The following NRG1 variants were observed in gnomAD, a reference collection of about 807,000 sequenced individuals.
NRG1 encodes the protein pro-neuregulin-1, membrane-bound isoform.
Under a neutral mutation model 63.8 loss-of-function variants are expected in NRG1, and 18 were observed. The observed-to-expected ratio is 0.28, with a 90% CI of 0.19 to 0.42. The LOEUF is 0.42. NRG1 is among the 10% of genes least tolerant of loss of function. The probability of loss-of-function intolerance (pLI) is 1.00; values close to 1 mark genes in which losing one functional copy is unlikely to be tolerated. For synonymous variants in NRG1, 302 were observed against 301.3 expected (o/e 1.00, Z -0.02); for missense variants, 762 against 814.7 (o/e 0.94, Z 0.79).
intron 1 of NRG1, among the ~76,000 whole-genome samples, chr8:32,064,608 T>C (rs1194146874): frequency 6.6e-6 from 1 of 152,158 alleles, no homozygotes; most frequent in Non-Finnish European, 1.5e-5. Context: ...AAGAAAAGTC[T>C]TTTTCATTGA....
intron 3 of NRG1, among the ~76,000 whole-genome samples, chr8:32,608,092 G>GTTTTGTTTTTT (rs1845594606): frequency 9.4e-6 from 1 of 106,158 alleles, no homozygotes; most frequent in African/African-American, 3.4e-5. Flanking sequence ...GGTTTTTTTT[G>GTTTTGTTTTTT]TTTTTTTTTT....
At chr8:31,848,944 C>T (rs1246254497) in intron 1 of NRG1, among the ~76,000 whole-genome samples, 1 of 152,312 alleles carries the variant, frequency 6.6e-6, no homozygotes, top group East Asian at 1.9e-4. Flanking sequence ...CCATCCCCCA[C>T]TGCCACCCTG....
intron 5 of NRG1, chr8:32,646,850 C>A: frequency 1.0e-6 from 1 of 983,926 alleles, no homozygotes; most frequent in Non-Finnish European, 1.2e-6. Flanking sequence ...TTACTCAGAC[C>A]AGCCTGCAGC....
At chr8:32,729,959 G>C (rs972693225) in intron 6 of NRG1, among the ~76,000 whole-genome samples, 5 of 152,052 alleles carry the variant, frequency 3.3e-5, no homozygotes, top group Non-Finnish European at 5.9e-5. Flanking sequence ...ACAAGTGTTG[G>C]TGGTTGTATA....
intron 3 of NRG1, among the ~76,000 whole-genome samples, chr8:32,607,262 A>G (rs1845429577): frequency 6.6e-6 from 1 of 152,190 alleles, no homozygotes; most frequent in South Asian, 2.1e-4. Context: ...AACACACATT[A>G]AAAAATTAAT....
At chr8:32,116,743 A>G (rs746616403) in intron 1 of NRG1, among the ~76,000 whole-genome samples, 4 of 152,096 alleles carry the variant, frequency 2.6e-5, no homozygotes, top group Non-Finnish European at 5.9e-5. Context: ...ATAGGAGAGA[A>G]AGAAAGTGAA....
At chr8:32,695,092 A>T (rs188756975) in intron 5 of NRG1, among the ~76,000 whole-genome samples, 1 of 152,332 alleles carries the variant, frequency 6.6e-6, no homozygotes, top group East Asian at 1.9e-4. Flanking sequence ...ATGGTGGCTC[A>T]TGCCTGTAAT....
intron 1 of NRG1, among the ~76,000 whole-genome samples, chr8:32,469,796 T>A (rs557163745): frequency 1.3e-5 from 2 of 152,234 alleles, no homozygotes; most frequent in African/African-American, 4.8e-5. Context: ...GCAAATTAAT[T>A]AAGGAATAAG....
chr8:31,900,405 A>G (rs1441561777), intron 1 of NRG1, among the ~76,000 whole-genome samples: 1 of 152,216 alleles, frequency 6.6e-6, no homozygotes, highest in Non-Finnish European at 1.5e-5. Flanking sequence ...ACTTTATTAT[A>G]AGATAAGGAT....
chr8:32,347,556 C>T (rs893405519), intron 1 of NRG1, among the ~76,000 whole-genome samples: 2 of 152,180 alleles, frequency 1.3e-5, no homozygotes, highest in Non-Finnish European at 2.9e-5. Context: ...AAAGTATAAT[C>T]AGTTCACATG....
intron 1 of NRG1, among the ~76,000 whole-genome samples, chr8:31,666,653 A>G (rs573995478): frequency 6.6e-6 from 1 of 152,216 alleles, no homozygotes; most frequent in African/African-American, 2.4e-5. Flanking sequence ...TTTGGGAACT[A>G]CTAGAAGATT....
chr8:32,680,504 C>A (rs190156723), intron 5 of NRG1, among the ~76,000 whole-genome samples: 7 of 152,080 alleles, frequency 4.6e-5, no homozygotes, highest in Non-Finnish European at 7.4e-5. Context: ...CGTGTGAGAA[C>A]CTGATTTCTG....
intron 1 of NRG1, among the ~76,000 whole-genome samples, chr8:32,563,011 G>T (rs904928379): frequency 6.6e-6 from 1 of 152,096 alleles, no homozygotes; most frequent in Non-Finnish European, 1.5e-5. Context: ...GTATGTTTTC[G>T]CTTAGAACAA....
intron 1 of NRG1, among the ~76,000 whole-genome samples, chr8:31,761,738 G>T (rs149323046): frequency 2.7e-4 from 41 of 152,192 alleles, no homozygotes; most frequent in African/African-American, 9.4e-4. Context: ...ATTGATCGCA[G>T]ATTACCATAA....
chr8:32,383,775 C>T (rs962566489), intron 1 of NRG1, among the ~76,000 whole-genome samples: 9 of 152,216 alleles, frequency 5.9e-5, no homozygotes, highest in African/African-American at 1.9e-4. Flanking sequence ...ACTTTAAGGA[C>T]AGTGCAGACT....
chr8:31,722,783 AAC>A (rs1273239166), intron 1 of NRG1, among the ~76,000 whole-genome samples: 1 of 152,194 alleles, frequency 6.6e-6, no homozygotes, highest in African/African-American at 2.4e-5. Flanking sequence ...ACCAAGGAGC[AAC>A]AGTCTCAAAT....
chr8:32,103,880 T>C (rs1830897658), intron 1 of NRG1, among the ~76,000 whole-genome samples: 1 of 152,134 alleles, frequency 6.6e-6, no homozygotes, highest in African/African-American at 2.4e-5. Flanking sequence ...CTGACTTGTC[T>C]CAGACATGCC....
chr8:32,310,694 A>T (rs560669667), intron 1 of NRG1, among the ~76,000 whole-genome samples: 2 of 152,304 alleles, frequency 1.3e-5, no homozygotes, highest in East Asian at 3.9e-4. Flanking sequence ...AGTAAATAAT[A>T]ATCATGTCTA....
intron 1 of NRG1, among the ~76,000 whole-genome samples, chr8:32,495,218 G>A (rs112262740): frequency 2.0e-5 from 3 of 152,168 alleles, no homozygotes; most frequent in African/African-American, 7.2e-5. Context: ...CCCGTCGGAG[G>A]TAATTGAATC....
Sources: allele counts gnomAD v4.1 joint callset (sites outside exome capture counted in the v4.1 genomes callset), GRCh38; gene constraint gnomAD v4.1.1; transcripts MANE v1.5; gene names NCBI Gene and HGNC (gene_info 2026-07-23, HGNC 2026-07-21).